The following SYT7 variants were observed in gnomAD, a reference collection of about 807,000 sequenced individuals.
The protein encoded by SYT7 is synaptotagmin 7, also known as synaptotagmin-7.
In SYT7, 29 loss-of-function variants were observed where a neutral mutation model predicts 75.1. That is an observed-to-expected ratio of 0.39 (90% CI 0.29 to 0.53). SYT7 has a LOEUF of 0.53. Among genes scored for constraint, SYT7 ranks in the 20% least tolerant of loss-of-function variants. The pLI is 0.77. For synonymous variants in SYT7, 376 were observed against 401.7 expected (o/e 0.94, Z 0.76); for missense variants, 693 against 953.2 (o/e 0.73, Z 3.59).
intron 1 of SYT7, among the ~76,000 whole-genome samples, chr11:61,564,326 A>G (rs1364805796): frequency 2.0e-5 from 3 of 152,114 alleles, no homozygotes; most frequent in Non-Finnish European, 4.4e-5. Context: ...AAGCCCTCCC[A>G]ACCTAGACTG....
rs1426654709 is a variant in SYT7, at chr11:61,524,175, GT to G, written c.1641+187del. Among the ~76,000 whole-genome samples, 4 of 152,158 alleles carry G rather than the reference GT, an allele frequency of 2.6e-5. No homozygotes were observed. Among genetic ancestry groups the G allele is most frequent in the African/African-American group, 9.7e-5 (4 of 41,430 alleles). ...CCCTAGGTTCCTTCTTACAGATCGGGTGAGTCCCCCCAAGTGCCAAGCACCA... is the reference window on the plus strand; with the variant it reads ...CCCTAGGTTCCTTCTTACAGATCGGGGAGTCCCCCCAAGTGCCAAGCACCA... On this transcript the variant is annotated intron_variant, in intron 10 of 12. Coordinates refer to ENST00000539008, the MANE Select transcript of SYT7 (RefSeq NM_001365809.2). The surrounding 1 kb of genome is among the most constrained non-coding windows in gnomAD (Gnocchi z 4.1).
At position 61,546,390 on chromosome 11, in the gene SYT7, A is replaced by C; in HGVS notation, c.348-135T>G. The C allele has an allele frequency of 1.7e-6, 1 of 599,160 alleles. No individual in the cohort carries two copies. The highest frequency in any genetic ancestry group is 4.5e-4 in the Middle Eastern group (1 of 2,220). The allele number at this position is 599,160 out of a possible 1,614,324, so 37.1% of individuals were successfully genotyped here. A position where few individuals can be genotyped will look rare whatever the true frequency, so the allele number is the denominator to read the frequency against. On this transcript the variant is annotated intron_variant, in intron 4 of 12. Transcript: ENST00000539008. The surrounding 1 kb of genome is among the most constrained non-coding windows in gnomAD (Gnocchi z 7.6). The stretch of plus-strand genomic sequence containing the variant: ...TAACAGATAAAAGGAAGAAAGAGAC[A>C]GTGAGAGAGGAGGAGGAGAGAGACA...
rs769508621 is a variant in SYT7, at chr11:61,533,046, G to A, written c.1143C>T (p.Thr381=). 28 of 1,613,328 alleles carry A rather than the reference G, an allele frequency of 1.7e-5. No homozygotes were observed. Among genetic ancestry groups the A allele is most frequent in the Middle Eastern group, 1.6e-4 (1 of 6,078 alleles). The change falls in exon 8 of 13, where the codon ACC becomes ACT. Residue 381 remains threonine (T), a synonymous_variant. Coordinates refer to ENST00000539008, the MANE Select transcript of SYT7 (RefSeq NM_001365809.2). ...QTPHDESDRR[T]EPRSSVSDLV... ...GGTCTGAGACGGAGGAACGTGGCTC[G>A]GTCCGGCGGTCGGACTCATCGTGGG... is the stretch of plus-strand genomic sequence containing the variant.
intron 9 of SYT7, among the ~76,000 whole-genome samples, 156 bp downstream of exon 9, chr11:61,527,759 A>G (rs753256243): frequency 7.2e-5 from 11 of 152,350 alleles, no homozygotes; most frequent in Non-Finnish European, 1.3e-4. Flanking sequence ...AGGTGTGCAC[A>G]TAAGTGTATC....
chr11:61,570,928 C>G (rs1041073913), intron 1 of SYT7, among the ~76,000 whole-genome samples: 5 of 152,064 alleles, frequency 3.3e-5, no homozygotes, highest in Admixed American at 6.5e-5. Context: ...ATAACTGTGA[C>G]AGGCACAGTT....
intron 8 of SYT7, among the ~76,000 whole-genome samples, chr11:61,528,702 G>A (rs921822386): frequency 6.6e-6 from 1 of 152,204 alleles, no homozygotes; most frequent in Non-Finnish European, 1.5e-5. Context: ...GGAGAATGGT[G>A]TGATTTACAA....
At chr11:61,567,549 A>G (rs1402461508) in intron 1 of SYT7, among the ~76,000 whole-genome samples, 1 of 152,180 alleles carries the variant, frequency 6.6e-6, no homozygotes, top group Non-Finnish European at 1.5e-5. Context: ...AGCTGAAGCT[A>G]TGGCAGCACC....
intron 8 of SYT7, among the ~76,000 whole-genome samples, chr11:61,532,243 C>G (rs1474384831): frequency 6.6e-6 from 1 of 152,206 alleles, no homozygotes; most frequent in African/African-American, 2.4e-5. Flanking sequence ...CCTCTTCAAG[C>G]CTTCCTGAGA....
chr11:61,560,179 A>G (rs559339415), intron 1 of SYT7, among the ~76,000 whole-genome samples: 2 of 152,340 alleles, frequency 1.3e-5, no homozygotes, highest in South Asian at 4.1e-4. Context: ...AACTCAGGCA[A>G]TCCGGCTCAG....
chr11:61,577,352 G>C (rs1201890279), intron 1 of SYT7, among the ~76,000 whole-genome samples: 1 of 152,246 alleles, frequency 6.6e-6, no homozygotes, highest in Non-Finnish European at 1.5e-5. Flanking sequence ...AGGGAGGCCC[G>C]GGCATGTGCC....
rs1334372507 is a variant in SYT7 at position 61,576,158 on chromosome 11, G to A, written c.31+4632C>T. ...CATGCTGTCTGCCAACTCTGTTCCA[G>A]CCCTTGGGGAATTCTGCTGGGTGAG... On this transcript the variant is annotated intron_variant, in intron 1 of 12. Transcript: ENST00000539008. The surrounding 1 kb of genome is among the most constrained non-coding windows in gnomAD (Gnocchi z 4.1). 6.6e-6 allele frequency among the ~76,000 whole-genome samples: 1 copy of A among 152,214 alleles called. No individual in the cohort carries two copies. The highest frequency in any genetic ancestry group is 1.9e-4 in the East Asian group (1 of 5,202).
At chr11:61,575,034 A>G (rs1336760824) in intron 1 of SYT7, among the ~76,000 whole-genome samples, 1 of 151,782 alleles carries the variant, frequency 6.6e-6, no homozygotes, top group Non-Finnish European at 1.5e-5. Flanking sequence ...ACCAGCTAGG[A>G]CTAACAGGTA....
intron 1 of SYT7, among the ~76,000 whole-genome samples, chr11:61,568,924 G>T (rs1213442663): frequency 2.0e-5 from 3 of 152,236 alleles, no homozygotes; most frequent in East Asian, 3.8e-4. Flanking sequence ...TAAATGGCTT[G>T]CCCCAAGTCA....
chr11:61,536,973 C>T (rs1304747796), intron 7 of SYT7, among the ~76,000 whole-genome samples: 1 of 152,238 alleles, frequency 6.6e-6, no homozygotes, highest in African/African-American at 2.4e-5. Context: ...ATATCCGAGC[C>T]TGAGGGGCCA....
At chr11:61,582,896 C>T (rs1019500504), upstream of SYT7, among the ~76,000 whole-genome samples, 1 of 152,190 alleles carries the variant, frequency 6.6e-6, no homozygotes, top group Admixed American at 6.5e-5. Context: ...GGCTCATTCC[C>T]CCACCCACCC....
intron 1 of SYT7, among the ~76,000 whole-genome samples, chr11:61,570,423 C>T (rs1219339352): frequency 6.6e-6 from 1 of 152,186 alleles, no homozygotes; most frequent in African/African-American, 2.4e-5. Flanking sequence ...TTACTGAACA[C>T]TTACTAGATA....
intron 12 of SYT7, among the ~76,000 whole-genome samples, chr11:61,520,224 G>A (rs927525795): frequency 2.5e-4 from 38 of 151,554 alleles, no homozygotes; most frequent in Non-Finnish European, 4.3e-4. Context: ...TTTTAAAAAG[G>A]ATGGTTGTGG....
rs2062187926 is a variant in SYT7, at chr11:61,517,881, C to T, written c.*746G>A. On this transcript the variant is annotated 3_prime_UTR_variant, in exon 13 of 13. Coordinates refer to ENST00000539008, the MANE Select transcript of SYT7 (RefSeq NM_001365809.2). ...GGGGATGGCAGGAGGCAGCCCAGTT[C>T]TCAGCCCAGCTCCAGCAACTGCAGC... 1.0e-5 allele frequency: 3 copies of T among 292,652 alleles called. No individual in the cohort carries two copies. The South Asian group carries it at 5.0e-4, about 49-fold the overall frequency. 18.1% of individuals were successfully genotyped at this position (292,652 alleles called of 1,614,324 possible).
Position 61,518,554 on chromosome 11 carries a change from G to T in SYT7, c.*73C>A. 8.9e-7 allele frequency: 1 copy of T among 1,120,166 alleles called. No homozygotes were observed. Among genetic ancestry groups the T allele is most frequent in the Non-Finnish European group, 1.2e-6 (1 of 802,404 alleles). The allele number at this position is 1,120,166 out of a possible 1,614,324, so 69.4% of individuals were successfully genotyped here. The stretch of plus-strand genomic sequence containing the variant: ...CCCTATGGCAGGGGGCTCAGGCCGG[G>T]CGTTGTGCATAAAGTGGTGAGGGCA... On this transcript the variant is annotated 3_prime_UTR_variant, in exon 13 of 13. Transcript: ENST00000539008.
Sources: gnomAD v4.1 joint callset for allele counts (sites outside exome capture counted in the v4.1 genomes callset) on GRCh38, gnomAD v4.1.1 for gene constraint, Gnocchi (gnomAD v3.1) non-coding constraint, MANE v1.5 for transcripts, NCBI Gene and HGNC (gene_info 2026-07-23, HGNC 2026-07-21) for gene names.